The following XIRP2 variants were observed in gnomAD, a reference collection of about 807,000 sequenced individuals.
XIRP2 encodes the protein xin actin binding repeat containing 2, also known as xin actin-binding repeat-containing protein 2.
XIRP2 carries 236 observed loss-of-function variants against 277.0 expected under a neutral mutation model. The observed-to-expected ratio is 0.85, with a 90% CI of 0.77 to 0.95. The LOEUF (loss-of-function observed/expected upper bound fraction) is 0.95. XIRP2 is among the 40% of genes least tolerant of loss of function. XIRP2 has a pLI of 0.00. For missense variants in XIRP2, 4,640 were observed against 4,157.5 expected (o/e 1.12, Z -3.19); for synonymous variants, 1,490 against 1,416.5 (o/e 1.05, Z -1.17).
chr2:167,070,471 T>C (rs1689409497), intron 2 of XIRP2, among the ~76,000 whole-genome samples: 1 of 152,058 alleles, frequency 6.6e-6, no homozygotes, highest in Admixed American at 6.6e-5. Context: ...AAACAGAAAA[T>C]CCTGTATCTA....
intron 2 of XIRP2, among the ~76,000 whole-genome samples, chr2:167,010,976 C>T (rs1031728004): frequency 6.6e-6 from 1 of 151,310 alleles, no homozygotes; most frequent in Admixed American, 6.6e-5. Flanking sequence ...TTTGGGCTGA[C>T]ACAATGGGGT....
intron 5 of XIRP2, among the ~76,000 whole-genome samples, chr2:167,231,872 T>C (rs191513851): frequency 4.8e-4 from 73 of 152,122 alleles, no homozygotes; most frequent in African/African-American, 1.6e-3. Context: ...ACACTATTGA[T>C]AGCATTGTCA....
chr2:167,175,351 A>G (rs542271834), intron 3 of XIRP2, among the ~76,000 whole-genome samples: 1 of 152,218 alleles, frequency 6.6e-6, no homozygotes, highest in East Asian at 1.9e-4. Flanking sequence ...TGTTAATGCT[A>G]TTCCTTTCTG....
At chr2:167,127,315 G>A (rs952179718) in intron 2 of XIRP2, among the ~76,000 whole-genome samples, 2 of 152,154 alleles carry the variant, frequency 1.3e-5, no homozygotes, top group Non-Finnish European at 2.9e-5. Context: ...CTATCATGAC[G>A]ATTTTCCAGC....
chr2:167,014,437 A>G (rs1687767257), intron 2 of XIRP2, among the ~76,000 whole-genome samples: 1 of 151,776 alleles, frequency 6.6e-6, no homozygotes, highest in Non-Finnish European at 1.5e-5. Flanking sequence ...ATTCGATATA[A>G]AGGAAAAATT....
chr2:167,128,972 A>G (rs1485697660), intron 2 of XIRP2, among the ~76,000 whole-genome samples: 2 of 152,154 alleles, frequency 1.3e-5, no homozygotes, highest in African/African-American at 4.8e-5. Context: ...ATAATGATTG[A>G]AGGGGCTTCC....
At chr2:166,973,431 T>C (rs769304923) in intron 2 of XIRP2, among the ~76,000 whole-genome samples, 1 of 152,190 alleles carries the variant, frequency 6.6e-6, no homozygotes, top group African/African-American at 2.4e-5. Context: ...GTTATTTCCA[T>C]GTAGGTGTAA....
chr2:167,046,829 T>C (rs977964273), intron 2 of XIRP2, among the ~76,000 whole-genome samples: 1 of 151,782 alleles, frequency 6.6e-6, no homozygotes, highest in Admixed American at 6.6e-5. Flanking sequence ...AGTGCTGAGC[T>C]CACTACCTGG....
chr2:167,127,811 A>G (rs1332495007), intron 2 of XIRP2, among the ~76,000 whole-genome samples: 2 of 152,170 alleles, frequency 1.3e-5, no homozygotes, highest in Admixed American at 1.3e-4. Flanking sequence ...GTTCTGTATC[A>G]ATATTTTCAT....
At chr2:167,240,944 T>A (rs1375399428) in intron 7 of XIRP2, among the ~76,000 whole-genome samples, 2 of 152,218 alleles carry the variant, frequency 1.3e-5, no homozygotes, top group African/African-American at 4.8e-5. Flanking sequence ...AATAGTTTAT[T>A]GGCCATCAGT....
chr2:167,056,423 C>T (rs921199063), intron 2 of XIRP2, among the ~76,000 whole-genome samples: 1 of 152,120 alleles, frequency 6.6e-6, no homozygotes, highest in Non-Finnish European at 1.5e-5. Context: ...TACTGTAAGT[C>T]TCTCTGTTTA....
chr2:166,950,070 G>A (rs1343122478), intron 2 of XIRP2, among the ~76,000 whole-genome samples: 1 of 152,002 alleles, frequency 6.6e-6, no homozygotes, highest in Non-Finnish European at 1.5e-5. Context: ...TACTAGTGTA[G>A]TTAATTACAT....
At chr2:166,943,873 G>GAGGAAT (rs1346219529) in intron 2 of XIRP2, among the ~76,000 whole-genome samples, 3 of 152,166 alleles carry the variant, frequency 2.0e-5, no homozygotes, top group African/African-American at 4.8e-5. Flanking sequence ...CTAGAGTACA[G>GAGGAAT]ACTCTTGTTC....
chr2:166,996,799 A>G (rs1687234089), intron 2 of XIRP2, among the ~76,000 whole-genome samples: 1 of 152,104 alleles, frequency 6.6e-6, no homozygotes, highest in Admixed American at 6.6e-5. Flanking sequence ...TGCACAACAC[A>G]CACACATAAA....
chr2:167,038,168 A>G (rs1475310927), intron 2 of XIRP2, among the ~76,000 whole-genome samples: 1 of 151,980 alleles, frequency 6.6e-6, no homozygotes, highest in Non-Finnish European at 1.5e-5. Context: ...GCATTTTTGA[A>G]TAAAAAATTT....
chr2:167,137,593 A>G (rs1052381898), intron 3 of XIRP2, among the ~76,000 whole-genome samples: 12 of 152,154 alleles, frequency 7.9e-5, no homozygotes, highest in African/African-American at 2.7e-4. Flanking sequence ...TTTGATTTCC[A>G]TGCAAAGGTT....
chr2:166,940,512 G>A (rs1324043038), intron 2 of XIRP2, among the ~76,000 whole-genome samples: 1 of 152,214 alleles, frequency 6.6e-6, no homozygotes, highest in African/African-American at 2.4e-5. Context: ...TTTGGAGGTG[G>A]AGAGTCACTC....
intron 1 of XIRP2, among the ~76,000 whole-genome samples, chr2:166,902,596 TTGTGTGTG>T (rs150881919): frequency 6.6e-6 from 1 of 150,414 alleles, no homozygotes; most frequent in African/African-American, 2.4e-5. Flanking sequence ...TGCCCATGAT[TTGTGTGTG>T]TGTGTGTGTG....
chr2:167,046,946 A>G (rs1048716109), intron 2 of XIRP2, among the ~76,000 whole-genome samples: 1 of 151,992 alleles, frequency 6.6e-6, no homozygotes. Context: ...AAGAAAAAAA[A>G]AAGAAATTTC....
Sources: allele counts gnomAD v4.1 joint callset (sites outside exome capture counted in the v4.1 genomes callset), GRCh38; gene constraint gnomAD v4.1.1; transcripts MANE v1.5; gene names NCBI Gene and HGNC (gene_info 2026-07-23, HGNC 2026-07-21).